Variants in PRKCE observed in about 807,000 individuals in gnomAD.
PRKCE encodes the protein protein kinase C epsilon type.
In PRKCE, 16 loss-of-function variants were observed where a neutral mutation model predicts 85.4. The ratio of observed to expected loss-of-function variants is 0.19; its 90% CI spans 0.13 to 0.28. The LOEUF is 0.28. PRKCE is among the 10% of genes least tolerant of loss of function. PRKCE has a pLI of 1.00. For missense variants in PRKCE, 573 were observed against 975.2 expected, an observed-to-expected ratio of 0.59 and a Z score of 5.49; for synonymous variants, 388 against 371.5, an observed-to-expected ratio of 1.04 and a Z score of -0.51.
intron 10 of PRKCE, among the ~76,000 whole-genome samples, chr2:46,039,201 G>A (rs1348182333): frequency 1.3e-5 from 2 of 152,290 alleles, no homozygotes; most frequent in African/African-American, 4.8e-5. Context: ...GCAATGTTAA[G>A]TCCTTTACAT....
intron 9 of PRKCE, among the ~76,000 whole-genome samples, chr2:46,009,010 C>T (rs1042985108): frequency 4.6e-5 from 7 of 152,176 alleles, no homozygotes; most frequent in African/African-American, 1.7e-4. Flanking sequence ...TGCTTTTTAG[C>T]TTTGATGACT....
chr2:45,983,488 G>A (rs1703059541), intron 5 of PRKCE, among the ~76,000 whole-genome samples: 1 of 152,162 alleles, frequency 6.6e-6, no homozygotes, highest in Admixed American at 6.5e-5. Flanking sequence ...TAGCGCTGTG[G>A]AGGGGCAGAG....
chr2:45,839,921 C>A (rs529490896), intron 1 of PRKCE, among the ~76,000 whole-genome samples: 14 of 152,198 alleles, frequency 9.2e-5, no homozygotes, highest in Non-Finnish European at 2.1e-4. Flanking sequence ...ATGCAGTTCA[C>A]CAGCACGGAG....
At chr2:45,744,485 CTTTT>C (rs374409953) in intron 1 of PRKCE, among the ~76,000 whole-genome samples, 13 of 27,104 alleles carry the variant, frequency 4.8e-4, no homozygotes, top group South Asian at 1.7e-3. Context: ...TTCTTTCTTT[CTTTT>C]TCTTTCTTTC....
chr2:45,793,029 C>A (rs1687153176), intron 1 of PRKCE, among the ~76,000 whole-genome samples: 1 of 152,190 alleles, frequency 6.6e-6, no homozygotes, highest in South Asian at 2.1e-4. Flanking sequence ...AAACTCCTGA[C>A]CTCAGGTGAT....
intron 11 of PRKCE, among the ~76,000 whole-genome samples, chr2:46,123,148 C>CA (rs71394873): frequency 0.37 from 30,744 of 84,152 alleles, 6,991 homozygotes; most frequent in African/African-American, 0.55. Flanking sequence ...AGTTCACTAG[C>CA]AAAAAAAAAA....
chr2:45,662,494 AT>A (rs1675715769), intron 1 of PRKCE, among the ~76,000 whole-genome samples: 1 of 152,010 alleles, frequency 6.6e-6, no homozygotes, highest in Non-Finnish European at 1.5e-5. Context: ...ACTCCTATTA[AT>A]TTCCCAGCTG....
At chr2:45,840,284 C>T (rs1691241267) in intron 1 of PRKCE, 1 of 152,184 alleles carries the variant, frequency 6.6e-6, no homozygotes, top group African/African-American at 2.4e-5. Context: ...GGCAAGAGGG[C>T]CCCTGATATT....
At chr2:46,072,251 C>G (rs1208411731) in intron 10 of PRKCE, among the ~76,000 whole-genome samples, 2 of 152,222 alleles carry the variant, frequency 1.3e-5, no homozygotes, top group Non-Finnish European at 2.9e-5. Context: ...AGATTTAAAA[C>G]AATGTGATCA....
chr2:45,837,940 C>A (rs1414641043), intron 1 of PRKCE, among the ~76,000 whole-genome samples: 1 of 152,136 alleles, frequency 6.6e-6, no homozygotes, highest in African/African-American at 2.4e-5. Context: ...TAAATGAATG[C>A]GTATGAGGGG....
intron 2 of PRKCE, among the ~76,000 whole-genome samples, chr2:45,885,001 A>ATATTTTTTT (rs1342824133): frequency 7.0e-5 from 5 of 71,544 alleles, no homozygotes; most frequent in Non-Finnish European, 1.3e-4. Flanking sequence ...ATATATATAT[A>ATATTTTTTT]TTTGTTGTTG....
intron 2 of PRKCE, among the ~76,000 whole-genome samples, chr2:45,955,198 C>T (rs775210640): frequency 4.6e-5 from 7 of 152,108 alleles, no homozygotes; most frequent in Non-Finnish European, 7.4e-5. Flanking sequence ...CTGTGGACTG[C>T]CCTGATATCG....
chr2:45,790,297 G>A (rs1686933517), intron 1 of PRKCE, among the ~76,000 whole-genome samples: 3 of 152,336 alleles, frequency 2.0e-5, no homozygotes, highest in Admixed American at 6.5e-5. Flanking sequence ...AGTTTCAACC[G>A]AGATTCAGGG....
At chr2:45,899,853 T>C (rs1398711905) in intron 2 of PRKCE, among the ~76,000 whole-genome samples, 1 of 152,242 alleles carries the variant, frequency 6.6e-6, no homozygotes, top group Non-Finnish European at 1.5e-5. Flanking sequence ...GAGAAAGCCA[T>C]GCGGCAATTG....
chr2:46,031,481 A>G (rs1707507718), intron 10 of PRKCE, among the ~76,000 whole-genome samples: 1 of 152,164 alleles, frequency 6.6e-6, no homozygotes, highest in Admixed American at 6.5e-5. Context: ...CAGCCAGCAT[A>G]CATACCACGA....
chr2:45,913,585 C>G (rs1573854465), intron 2 of PRKCE, among the ~76,000 whole-genome samples: 1 of 152,222 alleles, frequency 6.6e-6, no homozygotes, highest in Non-Finnish European at 1.5e-5. Context: ...TGCTTCAAGT[C>G]TTGTCGCCTG....
intron 6 of PRKCE, among the ~76,000 whole-genome samples, chr2:45,993,195 G>A (rs1473137327): frequency 6.6e-6 from 1 of 152,314 alleles, no homozygotes; most frequent in Admixed American, 6.5e-5. Context: ...TAATGCAAAT[G>A]CATCTCAGGT....
At chr2:45,755,624 C>A (rs766558880) in intron 1 of PRKCE, among the ~76,000 whole-genome samples, 1 of 152,198 alleles carries the variant, frequency 6.6e-6, no homozygotes, top group Non-Finnish European at 1.5e-5. Flanking sequence ...TCAGTTGTAA[C>A]CATGTCTTAT....
chr2:45,736,214 G>A (rs1340065330), intron 1 of PRKCE, among the ~76,000 whole-genome samples: 1 of 152,118 alleles, frequency 6.6e-6, no homozygotes, highest in African/African-American at 2.4e-5. Context: ...ACCCACCTCT[G>A]CCTCCCAAAG....
Sources: gnomAD v4.1 joint callset for allele counts (sites outside exome capture counted in the v4.1 genomes callset) on GRCh38, gnomAD v4.1.1 for gene constraint, MANE v1.5 for transcripts, NCBI Gene and HGNC (gene_info 2026-07-23, HGNC 2026-07-21) for gene names.